The following ZFAND1 variants were observed in gnomAD, a reference collection of about 807,000 sequenced individuals.
The protein encoded by ZFAND1 is AN1-type zinc finger protein 1.
A neutral mutation model predicts 38.5 loss-of-function variants in ZFAND1; 40 were observed. That is an observed-to-expected ratio of 1.04 (90% CI 0.81 to 1.35). ZFAND1 has a LOEUF of 1.35. Among genes scored for constraint, ZFAND1 ranks in the 40% most tolerant of loss-of-function variants. ZFAND1 has a pLI of 0.00. For missense variants in ZFAND1, 346 were observed against 316.3 expected (o/e 1.09, Z -0.71); for synonymous variants, 117 against 103.6 (o/e 1.13, Z -0.78).
At chr8:81,713,591 G>A (rs1161487150) in intron 6 of ZFAND1, among the ~76,000 whole-genome samples, 4 of 151,890 alleles carry the variant, frequency 2.6e-5, no homozygotes, top group African/African-American at 9.7e-5. Context: ...ACACAAGGAT[G>A]GTCACCATAG....
intron 2 of ZFAND1, among the ~76,000 whole-genome samples, chr8:81,717,501 T>A (rs1563610425): frequency 6.6e-6 from 1 of 152,114 alleles, no homozygotes; most frequent in African/African-American, 2.4e-5. Flanking sequence ...TCAATATGAG[T>A]AAAAACAATT....
At chr8:81,719,485 T>C (rs12546948) in intron 1 of ZFAND1, among the ~76,000 whole-genome samples, 137,660 of 152,100 alleles carry the variant, frequency 0.91, 62,472 homozygotes, top group African/African-American at 0.97. Context: ...CCATCCTGGG[T>C]GACAGAGCCA....
At chr8:81,709,445 TAAGTGTGTTGACTA>T (rs1175702009) in intron 6 of ZFAND1, among the ~76,000 whole-genome samples, 1 of 152,186 alleles carries the variant, frequency 6.6e-6, no homozygotes, top group Non-Finnish European at 1.5e-5. Context: ...TATTTTTTTT[TAAGTGTGTTGACTA>T]AATGATTGAT....
chr8:81,713,132 T>A (rs549639072), intron 6 of ZFAND1, among the ~76,000 whole-genome samples: 1 of 1,994 alleles, frequency 5.0e-4, no homozygotes, highest in Non-Finnish European at 9.3e-4. Context: ...TTTTTGTTCG[T>A]TTTTTTTTGA....
intron 1 of ZFAND1, among the ~76,000 whole-genome samples, chr8:81,718,434 T>C (rs1047284601): frequency 6.6e-6 from 1 of 152,098 alleles, no homozygotes; most frequent in Non-Finnish European, 1.5e-5. Context: ...TAGATGTTAC[T>C]TGTAACTTTA....
intron 6 of ZFAND1, among the ~76,000 whole-genome samples, chr8:81,712,071 T>C (rs1279335532): frequency 6.6e-6 from 1 of 152,166 alleles, no homozygotes; most frequent in Non-Finnish European, 1.5e-5. Context: ...CAGTGATTTA[T>C]CCTGGAATAT....
chr8:81,710,353 C>G (rs1165853552), intron 6 of ZFAND1, among the ~76,000 whole-genome samples: 2 of 151,790 alleles, frequency 1.3e-5, no homozygotes, highest in East Asian at 3.9e-4. Flanking sequence ...TTAAAAAAAT[C>G]AAACAAAATT....
rs1807861232 is a variant in ZFAND1 at position 81,703,058 on chromosome 8, A to G, written c.547T>C (p.Phe183Leu). ...TTTCCAATGCTCCATCGGTGGCAAAAGAACATTGGTTTGCTCTTCTCTTTG... is the reference window on the plus strand; with the variant it reads ...TTTCCAATGCTCCATCGGTGGCAAAGGAACATTGGTTTGCTCTTCTCTTTG... Reference protein sequence around the residue: ...GSKEKSKPMFFCHRWSIGKAI... With the variant: ...GSKEKSKPMFLCHRWSIGKAI... The change falls in exon 7 of 8, where the codon TTT (phenylalanine) becomes CTT (leucine). Residue 183 changes from phenylalanine to leucine, a missense_variant. Phe to Leu is a conservative substitution (Grantham distance 22). Coordinates refer to ENST00000220669, the MANE Select transcript of ZFAND1 (RefSeq NM_024699.3). 1 of 1,579,574 alleles carries G rather than the reference A, an allele frequency of 6.3e-7. No homozygotes were observed. Among genetic ancestry groups the G allele is most frequent in the African/African-American group, 1.3e-5 (1 of 74,222 alleles).
chr8:81,703,046 A>T lies in ZFAND1; in HGVS notation c.559T>A (p.Trp187Arg), dbSNP rs961612968. 6.3e-7 allele frequency: 1 copy of T among 1,581,306 alleles called. No homozygotes were observed. Among genetic ancestry groups the T allele is most frequent in the African/African-American group, 1.3e-5 (1 of 74,128 alleles). Residue 187 changes from tryptophan (W) to arginine (R), a missense_variant, in exon 7 of 8, where the codon TGG becomes AGG. Transcript: ENST00000220669. ...KSKPMFFCHR[W>R]SIGKAIDFAA... ...AAGTCTATGGCCTTTCCAATGCTCC[A>T]TCGGTGGCAAAAGAACATTGGTTTG...
In ZFAND1 at chr8:81,702,567, T is replaced by G; in HGVS notation, c.*128A>C. On this transcript the variant is annotated 3_prime_UTR_variant, in exon 8 of 8. Coordinates refer to ENST00000220669, the MANE Select transcript of ZFAND1 (RefSeq NM_024699.3). ...AATAGAAAACTCATAATTTAAAATG[T>G]GACATAAGGGGAAATAAGTTAAAAA... 1 of 757,838 alleles carries G rather than the reference T, an allele frequency of 1.3e-6. No individual in the cohort carries two copies. Among genetic ancestry groups the G allele is most frequent in the Non-Finnish European group, 1.9e-6 (1 of 532,706 alleles). The allele number at this position is 757,838 out of a possible 1,614,324, so 46.9% of individuals were successfully genotyped here. A position where few individuals can be genotyped will look rare whatever the true frequency, so the allele number is the denominator to read the frequency against.
At chr8:81,714,222 T>G in intron 5 of ZFAND1, 183 bp from the exon 6 acceptor site, 2 of 559,538 alleles carry the variant, frequency 3.6e-6, no homozygotes, top group Non-Finnish European at 5.8e-6. Context: ...TCATTGAGAT[T>G]GATCTAGGCA....
Position 81,702,352 on chromosome 8 carries a change from C to A in ZFAND1, c.*343G>T. The A allele has an allele frequency of 6.2e-6, 1 of 160,664 alleles. No individual in the cohort carries two copies. The highest frequency in any genetic ancestry group is 1.3e-5 in the Non-Finnish European group (1 of 74,186). 10.0% of individuals were successfully genotyped at this position (160,664 alleles called of 1,614,324 possible). On this transcript the variant is annotated 3_prime_UTR_variant, in exon 8 of 8. Transcript: ENST00000220669. ...ACAATGTCCCAAAAGAGATCCCTTC[C>A]TTTGCCTTTGATCATGGTAAGAAGA...
intron 6 of ZFAND1, among the ~76,000 whole-genome samples, chr8:81,709,021 C>T (rs1808060713): frequency 6.6e-6 from 1 of 152,100 alleles, no homozygotes; most frequent in Admixed American, 6.6e-5. Flanking sequence ...TACCATTTGA[C>T]ACAGCAAACA....
Position 81,714,845 on chromosome 8 carries a change from G to C in ZFAND1, c.317C>G (p.Pro106Arg), listed in dbSNP as rs774371842. The change falls in exon 5 of 8, where the codon CCT becomes CGT. Residue 106 changes from proline to arginine, a missense_variant. By Grantham distance (103) the Pro-to-Arg change is moderately radical. Transcript: ENST00000220669. ...HECEKLEIPK[P>R]RMAATQKLVK... Reference sequence around the variant, plus strand: ...AAGTTTCTGAGTGGCAGCCATTCGAGGCTTTGGGATTTCCAGTTTTTCACA... The same window carrying C: ...AAGTTTCTGAGTGGCAGCCATTCGACGCTTTGGGATTTCCAGTTTTTCACA... 6.2e-7 allele frequency: 1 copy of C among 1,614,096 alleles called. No homozygotes were observed. The highest frequency in any genetic ancestry group is 1.1e-5 in the South Asian group (1 of 91,086).
chr8:81,713,853 G>T, intron 6 of ZFAND1, 65 bp downstream of exon 6: 1 of 1,503,122 alleles, frequency 6.7e-7, no homozygotes, highest in Non-Finnish European at 9.2e-7. Flanking sequence ...ATGGGAAGGA[G>T]GAATACAAAG....
chr8:81,709,824 C>T (rs1353811505), intron 6 of ZFAND1, among the ~76,000 whole-genome samples: 1 of 152,162 alleles, frequency 6.6e-6, no homozygotes, highest in Non-Finnish European at 1.5e-5. Context: ...CGTAGTTCTC[C>T]ACTTACTAGC....
At chr8:81,716,245 G>A (rs1251250257) in intron 3 of ZFAND1, among the ~76,000 whole-genome samples, 1 of 152,198 alleles carries the variant, frequency 6.6e-6, no homozygotes, top group Non-Finnish European at 1.5e-5. Flanking sequence ...AACATGGTGG[G>A]CTTAGCTTTC....
chr8:81,710,467 T>C (rs1412027342), intron 6 of ZFAND1, among the ~76,000 whole-genome samples: 2 of 148,922 alleles, frequency 1.3e-5, no homozygotes, highest in African/African-American at 5.0e-5. Context: ...AGAGAAAGAG[T>C]CAAAGAAAAA....
At chr8:81,716,677 G>A (rs1395149554) in intron 3 of ZFAND1, among the ~76,000 whole-genome samples, 3 of 152,152 alleles carry the variant, frequency 2.0e-5, no homozygotes, top group African/African-American at 4.8e-5. Flanking sequence ...GGCTGGGCGC[G>A]GTGGCTAACA....
Sources: gnomAD v4.1 joint callset for allele counts (sites outside exome capture counted in the v4.1 genomes callset) on GRCh38, gnomAD v4.1.1 for gene constraint, MANE v1.5 for transcripts, NCBI Gene and HGNC (gene_info 2026-07-23, HGNC 2026-07-21) for gene names.